Variants in LYPD1 observed in about 807,000 individuals in gnomAD.
LYPD1 encodes the protein ly6/PLAUR domain-containing protein 1.
A neutral mutation model predicts 14.2 loss-of-function variants in LYPD1; 14 were observed. The ratio of observed to expected loss-of-function variants is 0.99; its 90% confidence interval spans 0.65 to 1.54. The LOEUF is 1.54. Among genes scored for constraint, LYPD1 ranks in the 40% most tolerant of loss-of-function variants. The pLI is 0.00. For synonymous variants in LYPD1, 85 were observed against 70.6 expected (o/e 1.20, Z -1.02); for missense variants, 165 against 175.7 (o/e 0.94, Z 0.34).
chr2:132,659,976 G>C (rs1244167609), intron 2 of LYPD1, among the ~76,000 whole-genome samples: 4 of 152,216 alleles, frequency 2.6e-5, no homozygotes, highest in African/African-American at 9.7e-5. Flanking sequence ...CTTTGAAGAT[G>C]CCTCCGTGGA....
Position 132,669,541 on chromosome 2 carries a change from C to T in LYPD1, c.52+340G>A, listed in dbSNP as rs1683510780. Among the ~76,000 whole-genome samples the T allele has an allele frequency of 6.6e-6, 1 of 152,146 alleles. No individual in the cohort carries two copies. ...ACGGGGTGCCGGAGGCGCCAGACAA[C>T]TTGGCAGGGTTCGGGAGATGTCGCC... is the stretch of plus-strand genomic sequence containing the variant. On this transcript the variant is annotated intron_variant, in intron 1 of 2. Transcript: ENST00000397463. This position sits in a 1 kb window ranked among gnomAD's most constrained non-coding sequence, Gnocchi z 4.3.
intron 2 of LYPD1, among the ~76,000 whole-genome samples, chr2:132,655,159 A>G (rs192163615): frequency 5.4e-4 from 82 of 152,156 alleles, no homozygotes; most frequent in African/African-American, 1.9e-3. Flanking sequence ...AAATTGAGTG[A>G]CTCATAGCAA....
chr2:132,645,400 C>G lies in LYPD1; in HGVS notation c.*645G>C, dbSNP rs367709282. 6.2e-7 allele frequency: 1 copy of G among 1,613,696 alleles called. No homozygotes were observed. Among genetic ancestry groups the G allele is most frequent in the Non-Finnish European group, 8.5e-7 (1 of 1,180,002 alleles). On this transcript the variant is annotated 3_prime_UTR_variant, in exon 3 of 3. Transcript: ENST00000397463. The stretch of plus-strand genomic sequence containing the variant: ...TGCGCACTCCACCACCGACAGCGCC[C>G]GCTTTGTGCAGCGCCCGTTGCTCTT...
At chr2:132,670,605 G>A (rs892199852), upstream of LYPD1, among the ~76,000 whole-genome samples, 1 of 152,116 alleles carries the variant, frequency 6.6e-6, no homozygotes, top group Non-Finnish European at 1.5e-5. The surrounding 1 kb of genome is among the most constrained non-coding windows in gnomAD (Gnocchi z 4.5). Flanking sequence ...CAGCGACTGG[G>A]TCCAGCCCAC....
rs1207467298 is a variant in LYPD1, at chr2:132,669,470, C to T, written c.52+411G>A. ...CGCAGCAACCCAGCTTCAGCGTGGC[C>T]GCAGGCTGCCTCGCGCATCGCTCAC... On this transcript the variant is annotated intron_variant, in intron 1 of 2. Transcript: ENST00000397463. This position sits in a 1 kb window ranked among gnomAD's most constrained non-coding sequence, Gnocchi z 4.3. Among the ~76,000 whole-genome samples the T allele has an allele frequency of 6.6e-6, 1 of 152,142 alleles. No homozygotes were observed. Among genetic ancestry groups the T allele is most frequent in the Non-Finnish European group, 1.5e-5 (1 of 68,010 alleles).
intron 2 of LYPD1, among the ~76,000 whole-genome samples, chr2:132,663,820 C>G (rs954118109): frequency 6.6e-6 from 1 of 151,926 alleles, no homozygotes; most frequent in African/African-American, 2.4e-5. Context: ...TAGCAGAGAC[C>G]CCTGCTACTT....
Position 132,645,459 on chromosome 2 carries a change from T to A in LYPD1, c.*586A>T. 6.2e-7 allele frequency: 1 copy of A among 1,613,908 alleles called. No homozygotes were observed. Among genetic ancestry groups the A allele is most frequent in the Non-Finnish European group, 8.5e-7 (1 of 1,180,038 alleles). ...GGCGCCAGTCCTCTGCAAGGAGAAC[T>A]GAGAAGATTTTCTTAAGCACTTTTC... is the stretch of plus-strand genomic sequence containing the variant. On this transcript the variant is annotated 3_prime_UTR_variant, in exon 3 of 3. Transcript: ENST00000397463.
In LYPD1 at chr2:132,667,404, T is replaced by C. The variant is rs1254667122; in HGVS notation, c.190+996A>G. 4.6e-5 allele frequency among the ~76,000 whole-genome samples: 7 copies of C among 152,282 alleles called. No individual in the cohort carries two copies. The East Asian group carries it at 1.2e-3, about 25-fold the overall frequency. ...GCCCTTCTCTGAGAAGAAACGACTT[T>C]CCCAAGGTGTTGGCTTTGAAACTAG... On this transcript the variant is annotated intron_variant, in intron 2 of 2. Transcript: ENST00000397463.
At chr2:132,649,038 C>A (rs538955046) in intron 2 of LYPD1, among the ~76,000 whole-genome samples, 2 of 152,050 alleles carry the variant, frequency 1.3e-5, no homozygotes, top group Non-Finnish European at 2.9e-5. Context: ...TGTTTCCAAC[C>A]GGATGAAAGG....
At chr2:132,650,333 A>T (rs1381751205) in intron 2 of LYPD1, among the ~76,000 whole-genome samples, 1 of 152,194 alleles carries the variant, frequency 6.6e-6, no homozygotes, top group African/African-American at 2.4e-5. Flanking sequence ...TGAATCTTAT[A>T]AAAAGGCCCT....
chr2:132,660,010 A>G (rs1428453144), intron 2 of LYPD1, among the ~76,000 whole-genome samples: 1 of 152,222 alleles, frequency 6.6e-6, no homozygotes, highest in African/African-American at 2.4e-5. Context: ...TGCTCTGCAC[A>G]TTCATATTCA....
upstream of LYPD1, among the ~76,000 whole-genome samples, chr2:132,670,694 C>A (rs562955728): frequency 2.6e-5 from 4 of 152,254 alleles, no homozygotes; most frequent in African/African-American, 9.6e-5. The surrounding 1 kb of genome is among the most constrained non-coding windows in gnomAD (Gnocchi z 4.5). Context: ...CGTTCCCGTG[C>A]GCCTGGCAAA....
At chr2:132,648,635 T>A (rs1227219758) in intron 2 of LYPD1, among the ~76,000 whole-genome samples, 1 of 152,216 alleles carries the variant, frequency 6.6e-6, no homozygotes, top group Non-Finnish European at 1.5e-5. Context: ...AGAGATGGAC[T>A]AACAGAGCCA....
In LYPD1 at chr2:132,664,641, A is replaced by T. The variant is rs192408484; in HGVS notation, c.190+3759T>A. Among the ~76,000 whole-genome samples, 6 of 152,346 alleles carry T rather than the reference A, an allele frequency of 3.9e-5. No homozygotes were observed. The East Asian group carries it at 1.2e-3, about 29-fold the overall frequency. Reference sequence around the variant, plus strand: ...ATTTAACTTTTAAATAAGGTTTAGGAGAACCTGTAACATTTTGCTCACTGA... The same window carrying T: ...ATTTAACTTTTAAATAAGGTTTAGGTGAACCTGTAACATTTTGCTCACTGA... On this transcript the variant is annotated intron_variant, in intron 2 of 2. Transcript: ENST00000397463.
chr2:132,668,860 G>A (rs966693369), intron 1 of LYPD1, among the ~76,000 whole-genome samples: 6 of 152,272 alleles, frequency 3.9e-5, no homozygotes, highest in African/African-American at 1.4e-4. Flanking sequence ...GAGTGAAGTA[G>A]CTCTGGAGAT....
intron 2 of LYPD1, 146 bp downstream of exon 2, chr2:132,668,254 T>C: frequency 9.4e-7 from 1 of 1,058,336 alleles, no homozygotes; most frequent in South Asian, 1.9e-5. Flanking sequence ...CTCTTCATTT[T>C]CCCAGCACTG....
Position 132,645,072 on chromosome 2 carries a change from G to C in LYPD1, c.*973C>G, listed in dbSNP as rs1163684581. 1 of 1,583,854 alleles carries C rather than the reference G, an allele frequency of 6.3e-7. No individual in the cohort carries two copies. The highest frequency in any genetic ancestry group is 1.2e-5 in the South Asian group (1 of 85,800). ...CTCATGCTGTGTTTTTCTTTTCTCTGTCTCTCCCTCCTGCTCGTGTCTGCC... is the reference window on the plus strand; with the variant it reads ...CTCATGCTGTGTTTTTCTTTTCTCTCTCTCTCCCTCCTGCTCGTGTCTGCC... On this transcript the variant is annotated 3_prime_UTR_variant, in exon 3 of 3. Transcript: ENST00000397463.
intron 2 of LYPD1, among the ~76,000 whole-genome samples, chr2:132,664,492 G>A (rs1388881432): frequency 6.6e-6 from 1 of 152,196 alleles, no homozygotes; most frequent in African/African-American, 2.4e-5. Context: ...ATGCAACATG[G>A]CATATAAATC....
At chr2:132,655,020 C>T (rs560070736) in intron 2 of LYPD1, among the ~76,000 whole-genome samples, 54 of 152,250 alleles carry the variant, frequency 3.5e-4, no homozygotes, top group South Asian at 1.0e-3. Context: ...GCATGAGCCA[C>T]GGAGCCCGGC....
Sources: allele counts gnomAD v4.1 joint callset (sites outside exome capture counted in the v4.1 genomes callset), GRCh38; gene constraint gnomAD v4.1.1; non-coding constraint Gnocchi (gnomAD v3.1); transcripts MANE v1.5; gene names NCBI Gene and HGNC (gene_info 2026-07-23, HGNC 2026-07-21).